Variants in SHANK2 observed in about 807,000 individuals in gnomAD.
SHANK2 encodes the protein SH3 and multiple ankyrin repeat domains protein 2.
In SHANK2, 43 loss-of-function variants were observed where a neutral mutation model predicts 133.7. The ratio of observed to expected loss-of-function variants is 0.32; its 90% CI spans 0.25 to 0.41. The LOEUF is 0.41. Among genes scored for constraint, SHANK2 ranks in the 10% least tolerant of loss-of-function variants. SHANK2 has a pLI of 1.00. For missense variants in SHANK2, 1,994 were observed against 2,235.8 expected, an observed-to-expected ratio of 0.89 and a Z score of 2.18; for synonymous variants, 1,017 against 952.8, an observed-to-expected ratio of 1.07 and a Z score of -1.24.
chr11:70,854,774 A>C (rs1280452186), intron 11 of SHANK2, among the ~76,000 whole-genome samples: 1 of 152,220 alleles, frequency 6.6e-6, no homozygotes, highest in African/African-American at 2.4e-5. Flanking sequence ...AGCAGGCACC[A>C]CAGGGGGCAA....
intron 17 of SHANK2, among the ~76,000 whole-genome samples, chr11:70,655,823 G>A (rs1296164698): frequency 6.6e-6 from 1 of 152,100 alleles, no homozygotes; most frequent in Non-Finnish European, 1.5e-5. Flanking sequence ...ACTTGCACTG[G>A]GCCAGTGGGT....
intron 17 of SHANK2, among the ~76,000 whole-genome samples, chr11:70,624,506 G>A (rs1554999155): frequency 6.7e-6 from 1 of 150,076 alleles, no homozygotes; most frequent in African/African-American, 2.5e-5. Context: ...TTTCCAAAGA[G>A]ATGCTCCCAT....
intron 8 of SHANK2, among the ~76,000 whole-genome samples, chr11:71,089,957 C>T (rs1951477781): frequency 1.3e-5 from 2 of 152,264 alleles, no homozygotes; most frequent in East Asian, 1.9e-4. Flanking sequence ...AGGGACAAAG[C>T]GAGGGCAGGG....
At chr11:70,561,673 C>T (rs182612700) in intron 17 of SHANK2, among the ~76,000 whole-genome samples, 8 of 149,684 alleles carry the variant, frequency 5.3e-5, no homozygotes, top group East Asian at 4.1e-4. Context: ...GGACTGCAGA[C>T]GTGCACCGTC....
intron 14 of SHANK2, among the ~76,000 whole-genome samples, chr11:70,737,745 A>C (rs1946434703): frequency 6.6e-6 from 1 of 152,090 alleles, no homozygotes; most frequent in Non-Finnish European, 1.5e-5. Flanking sequence ...CCTCCCACAG[A>C]CCCTTACATC....
intron 10 of SHANK2, among the ~76,000 whole-genome samples, chr11:70,937,198 A>G (rs1950584010): frequency 6.6e-6 from 1 of 152,190 alleles, no homozygotes; most frequent in South Asian, 2.1e-4. Context: ...AGAGTTTAAG[A>G]GTCACCAAAC....
chr11:70,568,538 C>G (rs2059997206), intron 17 of SHANK2, among the ~76,000 whole-genome samples: 1 of 151,688 alleles, frequency 6.6e-6, no homozygotes, highest in African/African-American at 2.4e-5. Context: ...GAGCCTCCAG[C>G]TGGAGAGAAA....
chr11:70,877,351 C>T (rs1426507518), intron 11 of SHANK2, among the ~76,000 whole-genome samples: 2 of 152,228 alleles, frequency 1.3e-5, no homozygotes, highest in East Asian at 1.9e-4. Context: ...CTTCCTGGGC[C>T]GGATTTCTAT....
chr11:70,565,221 A>ATCCG (rs2059953537), intron 17 of SHANK2, among the ~76,000 whole-genome samples: 2 of 151,154 alleles, frequency 1.3e-5, no homozygotes, highest in African/African-American at 4.9e-5. Flanking sequence ...AGTTTCATCC[A>ATCCG]TCCATCCATC....
At chr11:71,232,957 A>G (rs545159554) in intron 1 of SHANK2, among the ~76,000 whole-genome samples, 2 of 152,316 alleles carry the variant, frequency 1.3e-5, no homozygotes, top group East Asian at 1.9e-4. Context: ...CACAGCTTCA[A>G]TGAGAGGCAG....
intron 14 of SHANK2, among the ~76,000 whole-genome samples, chr11:70,750,069 C>T (rs1946722279): frequency 6.6e-6 from 1 of 152,196 alleles, no homozygotes; most frequent in Admixed American, 6.5e-5. Flanking sequence ...AGCTAGCAAA[C>T]CTGGGCAGAT....
chr11:70,880,160 T>C (rs1157391244), intron 11 of SHANK2, among the ~76,000 whole-genome samples: 3 of 152,184 alleles, frequency 2.0e-5, no homozygotes, highest in South Asian at 2.1e-4. Flanking sequence ...AGCCTGGGCA[T>C]AGATAACCTG....
chr11:70,679,989 C>T (rs546457201), intron 15 of SHANK2, among the ~76,000 whole-genome samples: 25 of 152,262 alleles, frequency 1.6e-4, no homozygotes, highest in African/African-American at 4.6e-4. Flanking sequence ...CGGAGGCCGA[C>T]GGGTGGGACA....
In SHANK2 at chr11:70,540,806, G is replaced by C. The variant is rs1246663506; in HGVS notation, c.2062-37875C>G. Among the ~76,000 whole-genome samples the C allele has an allele frequency of 3.0e-5, 4 of 132,390 alleles. No homozygotes were observed. The Admixed American group carries it at 3.5e-4, about 11-fold the overall frequency. 86.9% of individuals were successfully genotyped at this position (132,390 alleles called of 152,430 possible). ...AGAGGTTGCAGTGAGCTGAAATCAC[G>C]CCACTGCACTCCAGCCTGGGCGAAA... On this transcript the variant is annotated intron_variant, in intron 17 of 25. Coordinates refer to ENST00000601538, the MANE Select transcript of SHANK2 (RefSeq NM_012309.5).
At chr11:70,586,315 C>T (rs2060251806) in intron 17 of SHANK2, among the ~76,000 whole-genome samples, 2 of 152,122 alleles carry the variant, frequency 1.3e-5, no homozygotes, top group Non-Finnish European at 2.9e-5. Flanking sequence ...CTCAGGGACC[C>T]TCTGGAAGAA....
chr11:71,124,449 T>C (rs1304294212), intron 3 of SHANK2, among the ~76,000 whole-genome samples: 1 of 151,714 alleles, frequency 6.6e-6, no homozygotes, highest in African/African-American at 2.4e-5. Context: ...TTACCATGTA[T>C]TGAATCCTAA....
intron 17 of SHANK2, among the ~76,000 whole-genome samples, chr11:70,503,644 T>G (rs1369795093): frequency 2.0e-5 from 3 of 152,196 alleles, no homozygotes; most frequent in Admixed American, 1.3e-4. Flanking sequence ...GTTGAGGAAC[T>G]CTTAGGAGCC....
intron 17 of SHANK2, among the ~76,000 whole-genome samples, chr11:70,563,397 T>G (rs2059931874): frequency 1.3e-5 from 2 of 152,236 alleles, no homozygotes; most frequent in Non-Finnish European, 2.9e-5. Flanking sequence ...ACCTACGATC[T>G]TTCCATGTCG....
intron 14 of SHANK2, among the ~76,000 whole-genome samples, chr11:70,713,786 A>C (rs11601579): frequency 0.37 from 55,652 of 151,744 alleles, 11,115 homozygotes; most frequent in Non-Finnish European, 0.46. Context: ...CGTGTGCCAC[A>C]CACACCATTT....
Sources: allele counts gnomAD v4.1 joint callset (sites outside exome capture counted in the v4.1 genomes callset), GRCh38; gene constraint gnomAD v4.1.1; transcripts MANE v1.5; gene names NCBI Gene and HGNC (gene_info 2026-07-23, HGNC 2026-07-21).